The following CHN1 variants were observed in gnomAD, a reference collection of about 807,000 sequenced individuals.
CHN1 encodes the protein chimerin 1, also known as N-chimaerin.
In CHN1, 37 loss-of-function variants were observed where a neutral mutation model predicts 59.5. The observed-to-expected ratio is 0.62, with a 90% confidence interval of 0.48 to 0.82. CHN1 has a LOEUF of 0.82. CHN1 is among the 40% of genes least tolerant of loss of function. CHN1 has a pLI of 0.00. For missense variants in CHN1, 469 were observed against 571.0 expected, an observed-to-expected ratio of 0.82 and a Z score of 1.82; for synonymous variants, 206 against 200.4, an observed-to-expected ratio of 1.03 and a Z score of -0.24.
chr2:174,892,525 T>C (rs1574134834), intron 5 of CHN1, among the ~76,000 whole-genome samples: 1 of 152,180 alleles, frequency 6.6e-6, no homozygotes, highest in Non-Finnish European at 1.5e-5. Flanking sequence ...GAAATAAACA[T>C]CAATTGTCTA....
At chr2:174,847,406 T>C in intron 6 of CHN1, 1 of 1,203,720 alleles carries the variant, frequency 8.3e-7, no homozygotes, top group South Asian at 3.1e-5. Flanking sequence ...AAAGAAAGAG[T>C]CGATGCTAAC....
intron 6 of CHN1, chr2:174,875,947 G>C (rs1687550748): frequency 2.4e-6 from 1 of 414,420 alleles, no homozygotes; most frequent in African/African-American, 2.2e-5. Flanking sequence ...AAAGCAAAGA[G>C]TAATTTTAAA....
At chr2:174,840,049 T>G (rs1686234797) in intron 7 of CHN1, among the ~76,000 whole-genome samples, 1 of 152,114 alleles carries the variant, frequency 6.6e-6, no homozygotes, top group African/African-American at 2.4e-5. Context: ...CAGGCAGAGA[T>G]GTCATTTGTA....
chr2:174,988,495 T>C (rs1057119879), intron 1 of CHN1, among the ~76,000 whole-genome samples: 9 of 152,074 alleles, frequency 5.9e-5, no homozygotes, highest in Non-Finnish European at 1.3e-4. Flanking sequence ...TAGCACAGAG[T>C]GTACCGTTTT....
At chr2:174,883,250 C>T (rs762849319) in intron 5 of CHN1, among the ~76,000 whole-genome samples, 1 of 152,130 alleles carries the variant, frequency 6.6e-6, no homozygotes, top group Non-Finnish European at 1.5e-5. Flanking sequence ...CCCTTCACCA[C>T]CATGGCAGAA....
chr2:174,918,814 A>G (rs555552959), intron 3 of CHN1, among the ~76,000 whole-genome samples: 5 of 152,332 alleles, frequency 3.3e-5, no homozygotes, highest in African/African-American at 1.2e-4. Context: ...TAGTTTCTAG[A>G]ATTTAACGAG....
intron 7 of CHN1, among the ~76,000 whole-genome samples, chr2:174,843,127 G>C (rs1490210481): frequency 6.6e-6 from 1 of 152,082 alleles, no homozygotes; most frequent in Non-Finnish European, 1.5e-5. Context: ...TCTGAATTAA[G>C]CAACAAACCA....
chr2:174,937,927 G>A (rs772300150), intron 3 of CHN1, among the ~76,000 whole-genome samples: 1 of 152,040 alleles, frequency 6.6e-6, no homozygotes, highest in Non-Finnish European at 1.5e-5. Flanking sequence ...GCAGAACAAT[G>A]GGCCAAAAAT....
At chr2:174,883,555 T>C (rs1312238144) in intron 5 of CHN1, among the ~76,000 whole-genome samples, 1 of 152,132 alleles carries the variant, frequency 6.6e-6, no homozygotes, top group Non-Finnish European at 1.5e-5. Flanking sequence ...CTCTCAGAAC[T>C]ACTAGCCAGC....
At chr2:174,981,406 T>C (rs183517805) in intron 1 of CHN1, among the ~76,000 whole-genome samples, 27 of 152,084 alleles carry the variant, frequency 1.8e-4, no homozygotes, top group African/African-American at 6.5e-4. Context: ...ACTGAAAACA[T>C]TCCTTTAACA....
At chr2:174,980,506 ATTG>A (rs1691112715) in intron 1 of CHN1, among the ~76,000 whole-genome samples, 1 of 152,168 alleles carries the variant, frequency 6.6e-6, no homozygotes, top group South Asian at 2.1e-4. Context: ...TGATTTTAAA[ATTG>A]TTTTCAAATA....
At chr2:174,907,973 A>T (rs898839072) in intron 5 of CHN1, among the ~76,000 whole-genome samples, 26 of 152,180 alleles carry the variant, frequency 1.7e-4, no homozygotes, top group Non-Finnish European at 3.5e-4. Flanking sequence ...AATTACTAAA[A>T]TTTTTCCAAA....
At chr2:174,916,144 T>C (rs772013446) in intron 4 of CHN1, among the ~76,000 whole-genome samples, 6 of 152,168 alleles carry the variant, frequency 3.9e-5, no homozygotes, top group Non-Finnish European at 8.8e-5. Flanking sequence ...GAAGACTGAC[T>C]CTTACGGAGG....
intron 7 of CHN1, among the ~76,000 whole-genome samples, chr2:174,830,772 G>C (rs1203802884): frequency 1.3e-5 from 2 of 152,186 alleles, no homozygotes; most frequent in African/African-American, 4.8e-5. Context: ...AGGGGCGCAG[G>C]TGCTAATGGC....
intron 6 of CHN1, among the ~76,000 whole-genome samples, chr2:174,865,828 C>T (rs1443308402): frequency 2.6e-5 from 4 of 152,078 alleles, no homozygotes; most frequent in African/African-American, 9.7e-5. Context: ...AATCTTTAAT[C>T]GGAAAAACCT....
At chr2:174,972,887 AAT>A (rs1370149922) in intron 1 of CHN1, among the ~76,000 whole-genome samples, 1 of 152,174 alleles carries the variant, frequency 6.6e-6, no homozygotes, top group African/African-American at 2.4e-5. Flanking sequence ...AAAGTGAACT[AAT>A]AAACATATTC....
intron 2 of CHN1, among the ~76,000 whole-genome samples, chr2:174,948,502 C>T (rs1000850578): frequency 3.3e-5 from 5 of 152,128 alleles, no homozygotes; most frequent in Non-Finnish European, 5.9e-5. Context: ...TTTTACTTCC[C>T]TATTGGTTTA....
chr2:174,819,172 G>C (rs1685390356), intron 8 of CHN1, among the ~76,000 whole-genome samples: 1 of 152,142 alleles, frequency 6.6e-6, no homozygotes, highest in South Asian at 2.1e-4. Context: ...TTTTAAGCAA[G>C]TCTTACCAAT....
intron 9 of CHN1, 104 bp from the exon 10 acceptor site, chr2:174,811,692 T>A: frequency 1.5e-6 from 1 of 646,692 alleles, no homozygotes. Flanking sequence ...AAATAAAATA[T>A]ACATGTTTAG....
Sources: gnomAD v4.1 joint callset for allele counts (sites outside exome capture counted in the v4.1 genomes callset) on GRCh38, gnomAD v4.1.1 for gene constraint, MANE v1.5 for transcripts, NCBI Gene and HGNC (gene_info 2026-07-23, HGNC 2026-07-21) for gene names.